Variants in TRPM1 observed in about 807,000 individuals in gnomAD.
TRPM1 encodes the protein TRPM1-203 APA Isoform, Intron 10.
Under a neutral mutation model 149.4 loss-of-function variants are expected in TRPM1, and 113 were observed. The observed-to-expected ratio is 0.76, with a 90% CI of 0.65 to 0.88. The LOEUF is 0.88. TRPM1 is among the 40% of genes least tolerant of loss of function. The probability of loss-of-function intolerance (pLI) is 0.00; values close to 1 mark genes in which losing one functional copy is unlikely to be tolerated. For synonymous variants in TRPM1, 741 were observed against 759.5 expected (o/e 0.98, Z 0.40); for missense variants, 1,976 against 2,038.7 (o/e 0.97, Z 0.59).
At chr15:31,128,183 G>C (rs1043131138) in intron 1 of TRPM1, among the ~76,000 whole-genome samples, 16 of 152,106 alleles carry the variant, frequency 1.1e-4, no homozygotes, top group African/African-American at 2.9e-4. Flanking sequence ...ACTGTCTCTG[G>C]GGGCAACCAA....
intron 1 of TRPM1, among the ~76,000 whole-genome samples, chr15:31,130,631 T>C (rs1206424390): frequency 6.6e-6 from 1 of 152,164 alleles, no homozygotes; most frequent in African/African-American, 2.4e-5. Flanking sequence ...GTGCTTGAGA[T>C]ATTTTGTAGA....
At chr15:31,026,541 C>T (rs529170840) in intron 26 of TRPM1, among the ~76,000 whole-genome samples, 1 of 152,252 alleles carries the variant, frequency 6.6e-6, no homozygotes, top group Non-Finnish European at 1.5e-5. Flanking sequence ...TCCTGGAAAA[C>T]TTTTTGCACT....
chr15:31,157,328 G>A (rs995222336), intron 1 of TRPM1, among the ~76,000 whole-genome samples: 3 of 152,152 alleles, frequency 2.0e-5, no homozygotes, highest in African/African-American at 7.2e-5. Context: ...ATAAACAAAA[G>A]CTTACCTATA....
intron 1 of TRPM1, among the ~76,000 whole-genome samples, chr15:31,110,493 AC>A (rs549216568): frequency 1.4e-4 from 22 of 152,334 alleles, no homozygotes; most frequent in South Asian, 4.1e-4. Flanking sequence ...GATATTTGGA[AC>A]GTGGGTCTTG....
At chr15:31,113,412 T>C (rs543428291) in intron 1 of TRPM1, among the ~76,000 whole-genome samples, 32 of 145,474 alleles carry the variant, frequency 2.2e-4, no homozygotes, top group Admixed American at 4.2e-4. Context: ...GCATACAGAA[T>C]TCAATACCCA....
At chr15:31,128,515 C>A (rs1325921818) in intron 1 of TRPM1, among the ~76,000 whole-genome samples, 2 of 152,204 alleles carry the variant, frequency 1.3e-5, no homozygotes, top group Non-Finnish European at 2.9e-5. Context: ...ACCCCCAAGC[C>A]TCGGGAGCTC....
At chr15:31,068,226 T>A in intron 4 of TRPM1, 134 bp from the exon 5 acceptor site, 1 of 803,548 alleles carries the variant, frequency 1.2e-6, no homozygotes, top group Non-Finnish European at 2.1e-6. Context: ...GAGCCCTCTG[T>A]GTGAGTCTGT....
intron 1 of TRPM1, among the ~76,000 whole-genome samples, chr15:31,113,637 T>A (rs1173429590): frequency 6.6e-6 from 1 of 152,092 alleles, no homozygotes; most frequent in Non-Finnish European, 1.5e-5. Context: ...ACTGTACAAA[T>A]TATTTTATCA....
intron 20 of TRPM1, among the ~76,000 whole-genome samples, chr15:31,037,190 G>A (rs201483726): frequency 5.3e-5 from 8 of 152,366 alleles, no homozygotes; most frequent in South Asian, 4.1e-4. Context: ...TGTAGACCCA[G>A]GGCCTCAGAG....
chr15:31,034,444 T>C (rs2033250860), intron 21 of TRPM1, among the ~76,000 whole-genome samples: 1 of 152,212 alleles, frequency 6.6e-6, no homozygotes, highest in South Asian at 2.1e-4. Flanking sequence ...ACCTGCCCCC[T>C]TCTGGGAGGC....
intron 6 of TRPM1, among the ~76,000 whole-genome samples, chr15:31,066,462 CT>C (rs905878458): frequency 2.0e-5 from 3 of 152,202 alleles, no homozygotes; most frequent in African/African-American, 7.2e-5. Context: ...AATTGCACCC[CT>C]GGCATTTATC....
intron 1 of TRPM1, among the ~76,000 whole-genome samples, chr15:31,088,320 C>T (rs141917074): frequency 6.6e-5 from 10 of 152,332 alleles, no homozygotes; most frequent in African/African-American, 1.2e-4. Context: ...CCTGGCAATC[C>T]GCTCGGGTCT....
intron 25 of TRPM1, 69 bp from the exon 26 acceptor site, chr15:31,027,186 G>T: frequency 2.7e-6 from 4 of 1,460,956 alleles, no homozygotes; most frequent in Non-Finnish European, 3.8e-6. Flanking sequence ...AGCAGTCAAA[G>T]TTACTCACAT....
intron 1 of TRPM1, among the ~76,000 whole-genome samples, chr15:31,097,926 A>G (rs2035427231): frequency 6.6e-6 from 1 of 152,234 alleles, no homozygotes; most frequent in Non-Finnish European, 1.5e-5. Flanking sequence ...GACTTAGAAC[A>G]ATAAAGAAAG....
chr15:31,083,056 C>T (rs543408859), intron 1 of TRPM1, among the ~76,000 whole-genome samples: 72 of 152,264 alleles, frequency 4.7e-4, no homozygotes, highest in African/African-American at 1.7e-3. Flanking sequence ...AGGAAGGCTG[C>T]AAAGACACAG....
rs1286742365 is a variant in TRPM1, at chr15:31,037,832, G to A, written c.2450C>T (p.Ala817Val). The stretch of plus-strand genomic sequence containing the variant: ...ATCCCCCTTTCTTGAGCCAGCATCT[G>A]CATTTGCATCCTGGAAAACAGAGCA... Reference protein sequence around the residue: ...EKEEENTDANADAGSRKGDEE... With the variant: ...EKEEENTDANVDAGSRKGDEE... Residue 817 changes from alanine (A) to valine (V), a missense_variant, in exon 20 of 28, where the codon GCA becomes GTA. Transcript: ENST00000256552. The A allele has an allele frequency of 6.2e-7, 1 of 1,614,124 alleles. No homozygotes were observed. The highest frequency in any genetic ancestry group is 1.7e-5 in the Admixed American group (1 of 60,022).
intron 27 of TRPM1, among the ~76,000 whole-genome samples, chr15:31,006,126 C>T (rs2031978844): frequency 6.6e-6 from 1 of 152,176 alleles, no homozygotes; most frequent in Non-Finnish European, 1.5e-5. Context: ...AAGTAATTCA[C>T]TTGGCTTTCC....
chr15:31,027,630 G>A (rs1425579034), intron 25 of TRPM1, among the ~76,000 whole-genome samples: 2 of 152,108 alleles, frequency 1.3e-5, no homozygotes, highest in Admixed American at 1.3e-4. Context: ...TACCAATACT[G>A]GGACCTTAGG....
At chr15:31,104,748 C>T (rs780800310), upstream of TRPM1, among the ~76,000 whole-genome samples, 2 of 151,938 alleles carry the variant, frequency 1.3e-5, no homozygotes. Context: ...TGCCTGCCAC[C>T]ACGCCCGGCC....
Sources: allele counts gnomAD v4.1 joint callset (sites outside exome capture counted in the v4.1 genomes callset), GRCh38; gene constraint gnomAD v4.1.1; transcripts MANE v1.5; gene names NCBI Gene and HGNC (gene_info 2026-07-23, HGNC 2026-07-21).